EGLN2: variants seen among roughly 807,000 people sequenced by gnomAD.
The protein encoded by EGLN2 is egl-9 family hypoxia inducible factor 2, also known as prolyl hydroxylase EGLN2.
A neutral mutation model predicts 38.2 loss-of-function variants in EGLN2; 15 were observed. That is an observed-to-expected ratio of 0.39 (90% CI 0.26 to 0.60). The LOEUF is 0.60. EGLN2 is among the 20% of genes least tolerant of loss of function. EGLN2 has a pLI of 0.50. For synonymous variants in EGLN2, 284 were observed against 237.4 expected, an observed-to-expected ratio of 1.20 and a Z score of -1.81; for missense variants, 492 against 570.4, an observed-to-expected ratio of 0.86 and a Z score of 1.40.
chr19:40,808,082 C>T lies in EGLN2; in HGVS notation c.*218C>T. On this transcript the variant is annotated 3_prime_UTR_variant, in exon 6 of 6. Transcript: ENST00000303961. ...GGGTTGTCACCTGGACAGGGGGCAG[C>T]CGTGGAGGCCACCGTTACCAACTGA... The T allele has an allele frequency of 3.4e-6, 2 of 596,850 alleles. No homozygotes were observed. Among genetic ancestry groups the T allele is most frequent in the Non-Finnish European group, 5.9e-6 (2 of 336,458 alleles). 37.0% of individuals were successfully genotyped at this position (596,850 alleles called of 1,614,324 possible).
intron 2 of EGLN2, among the ~76,000 whole-genome samples, chr19:40,801,822 C>A (rs1322604130): frequency 6.6e-6 from 1 of 151,796 alleles, no homozygotes; most frequent in Non-Finnish European, 1.5e-5. Flanking sequence ...CGGCCTTCTG[C>A]GTGTTTGTGT....
intron 2 of EGLN2, among the ~76,000 whole-genome samples, chr19:40,801,779 G>A (rs979739944): frequency 1.3e-5 from 2 of 150,668 alleles, no homozygotes; most frequent in South Asian, 2.1e-4. Context: ...CAAGTGAACA[G>A]AGGTCTCTGG....
chr19:40,807,939 T>G lies in EGLN2; in HGVS notation c.*75T>G. The G allele has an allele frequency of 7.0e-7, 1 of 1,428,594 alleles. No homozygotes were observed. The highest frequency in any genetic ancestry group is 9.8e-7 in the Non-Finnish European group (1 of 1,023,254). The allele number at this position is 1,428,594 out of a possible 1,614,324, so 88.5% of individuals were successfully genotyped here. ...GCCCTGGGCCTGTGCTGGCTGCTCC[T>G]TCCCTGCCACCGCTGCTGCTTCTGA... On this transcript the variant is annotated 3_prime_UTR_variant, in exon 6 of 6. Coordinates refer to ENST00000303961, the MANE Select transcript of EGLN2 (RefSeq NM_080732.4).
chr19:40,800,550 C>A lies in EGLN2; in HGVS notation c.-23C>A. 6.4e-7 allele frequency: 1 copy of A among 1,558,780 alleles called. No homozygotes were observed. The highest frequency in any genetic ancestry group is 8.7e-7 in the Non-Finnish European group (1 of 1,151,154). ...GGGCCCGGGCGGTGCCCTCCATGCCCGGGGGATGAAGACACTGCTGCCATG... is the reference window on the plus strand; with the variant it reads ...GGGCCCGGGCGGTGCCCTCCATGCCAGGGGGATGAAGACACTGCTGCCATG... On this transcript the variant is annotated 5_prime_UTR_variant, in exon 2 of 6. Coordinates refer to ENST00000303961, the MANE Select transcript of EGLN2 (RefSeq NM_080732.4).
chr19:40,806,879 C>T (rs1166397891), intron 3 of EGLN2: 2 of 928,758 alleles, frequency 2.2e-6, no homozygotes, highest in Non-Finnish European at 3.2e-6. Flanking sequence ...TGGGAACTCC[C>T]CTCTTTCCGG....
chr19:40,803,142 G>C (rs763382196), intron 2 of EGLN2: 13 of 152,292 alleles, frequency 8.5e-5, no homozygotes, highest in Admixed American at 7.2e-4. Context: ...TCCTCGTCAG[G>C]GGGAGACCAG....
Position 40,806,543 on chromosome 19 carries a change from C to A in EGLN2, c.844-12C>A. ...TAGCCCCAGTAAACCTACCTCCCTC[C>A]ATCCCTGCCAGGCCATGGTGGCGTG... On this transcript the variant is annotated splice_polypyrimidine_tract_variant and intron_variant, in intron 2 of 5. Transcript: ENST00000303961. 1 of 1,614,044 alleles carries A rather than the reference C, an allele frequency of 6.2e-7. No homozygotes were observed. Among genetic ancestry groups the A allele is most frequent in the Non-Finnish European group, 8.5e-7 (1 of 1,179,942 alleles).
chr19:40,801,291 TTGCC>T lies in EGLN2; in HGVS notation c.722_725del (p.Ala241GlyfsTer54). The T allele has an allele frequency of 6.2e-7, 1 of 1,613,194 alleles. No homozygotes were observed. The highest frequency in any genetic ancestry group is 8.5e-7 in the Non-Finnish European group (1 of 1,180,002). On this transcript the variant is annotated frameshift_variant, in exon 2 of 6. Coordinates refer to ENST00000303961, the MANE Select transcript of EGLN2 (RefSeq NM_080732.4). LOFTEE classifies it high-confidence loss of function. The stretch of plus-strand genomic sequence containing the variant: ...CCGCGCAGCATCCGTGGGGACCAGA[TTGCC>T]TGGGTGGAAGGCCATGAACCAGGCT...
intron 3 of EGLN2, 122 bp from the exon 4 acceptor site, chr19:40,807,016 C>T: frequency 6.9e-7 from 1 of 1,455,498 alleles, no homozygotes; most frequent in Non-Finnish European, 9.3e-7. Flanking sequence ...ACTTTGAGAG[C>T]CCGAGGGGTG....
At position 40,800,584 on chromosome 19, in the gene EGLN2, G is replaced by A. The variant is rs997303364; in HGVS notation, c.12G>A (p.Pro4=). 1.1e-5 allele frequency: 17 copies of A among 1,601,804 alleles called. No homozygotes were observed. Among genetic ancestry groups the A allele is most frequent in the South Asian group, 3.3e-5 (3 of 90,040 alleles). The change falls in exon 2 of 6, where the codon CCG becomes CCA. Residue 4 remains proline, a synonymous_variant. Transcript: ENST00000303961. The part of the protein sequence containing the change: MDS[P]CQPQPLSQAL... ...AAGACACTGCTGCCATGGACAGCCC[G>A]TGCCAGCCGCAGCCCCTAAGTCAGG...
In EGLN2 at chr19:40,806,593, C is replaced by T. The variant is rs147226551; in HGVS notation, c.882C>T (p.Tyr294=). The T allele has an allele frequency of 1.2e-4, 188 of 1,614,036 alleles. 3 individuals carry two copies. The African/African-American group carries it at 1.5e-3, about 13-fold the overall frequency. The change falls in exon 3 of 6, where the codon TAC becomes TAT. Residue 294 remains tyrosine, a synonymous_variant. Transcript: ENST00000303961. ...GTTACCCAGGCAACGGGCTCGGGTA[C>T]GTAAGGCACGTTGACAATCCCCACG... ...VACYPGNGLG[Y]VRHVDNPHGD...
intron 5 of EGLN2, 121 bp from the exon 6 acceptor site, chr19:40,807,688 C>A: frequency 7.1e-7 from 1 of 1,404,752 alleles, no homozygotes; most frequent in Non-Finnish European, 1.0e-6. Flanking sequence ...CCTTAGCCCA[C>A]TCTCCTGGTA....
At chr19:40,807,610 C>T (rs535824878) in intron 5 of EGLN2, 59 bp downstream of exon 5, 3 of 1,565,418 alleles carry the variant, frequency 1.9e-6, no homozygotes, top group African/African-American at 1.4e-5. Flanking sequence ...GGCCTGATGC[C>T]ACCCCATCCC....
At position 40,807,793 on chromosome 19, in the gene EGLN2, C is replaced by T. The variant is rs377024627; in HGVS notation, c.1169-16C>T. On this transcript the variant is annotated splice_polypyrimidine_tract_variant and intron_variant, in intron 5 of 5. Coordinates refer to ENST00000303961, the MANE Select transcript of EGLN2 (RefSeq NM_080732.4). The stretch of plus-strand genomic sequence containing the variant: ...CTTCTGATGACTCACTGTCTCCTGT[C>T]CCCTCTCACCCCCAGCATCAGGACA... The T allele has an allele frequency of 1.9e-5, 31 of 1,613,784 alleles. No individual in the cohort carries two copies. Among genetic ancestry groups the T allele is most frequent in the Non-Finnish European group, 2.5e-5 (30 of 1,179,866 alleles).
rs1020105853 is a variant in EGLN2, at chr19:40,808,083, C to T, written c.*219C>T. Reference sequence around the variant, plus strand: ...GGTTGTCACCTGGACAGGGGGCAGCCGTGGAGGCCACCGTTACCAACTGAA... The same window carrying T: ...GGTTGTCACCTGGACAGGGGGCAGCTGTGGAGGCCACCGTTACCAACTGAA... On this transcript the variant is annotated 3_prime_UTR_variant, in exon 6 of 6. Coordinates refer to ENST00000303961, the MANE Select transcript of EGLN2 (RefSeq NM_080732.4). 1.8e-5 allele frequency: 11 copies of T among 598,232 alleles called. No homozygotes were observed. The highest frequency in any genetic ancestry group is 5.6e-5 in the East Asian group (2 of 35,916). 37.1% of individuals were successfully genotyped at this position (598,232 alleles called of 1,614,324 possible).
rs370322331 is a variant in EGLN2, at chr19:40,807,844, C to T, written c.1204C>T (p.Gln402Ter). 4 of 1,614,172 alleles carry T rather than the reference C, an allele frequency of 2.5e-6. No homozygotes were observed. Among genetic ancestry groups the T allele is most frequent in the Non-Finnish European group, 3.4e-6 (4 of 1,180,008 alleles). ...GQKGVQVPVS[Q>*]PPTPT ...GAAAGGTGTCCAAGTACCTGTATCA[C>T]AGCCGCCTACGCCCACCTAGTGGCC... is the stretch of plus-strand genomic sequence containing the variant. The change falls in exon 6 of 6, where the codon CAG becomes TAG. Residue 402 changes from glutamine to a stop codon, truncating the protein, a stop_gained. Coordinates refer to ENST00000303961, the MANE Select transcript of EGLN2 (RefSeq NM_080732.4). LOFTEE classifies it high-confidence loss of function.
intron 3 of EGLN2, 36 bp from the exon 4 acceptor site, chr19:40,807,102 C>A (rs748065055): frequency 3.1e-6 from 5 of 1,609,646 alleles, no homozygotes; most frequent in Admixed American, 1.7e-5. Flanking sequence ...GGCTCCTGGC[C>A]GTACCAGCTA....
chr19:40,801,949 TGA>T (rs1451376759), intron 2 of EGLN2, among the ~76,000 whole-genome samples: 1 of 152,110 alleles, frequency 6.6e-6, no homozygotes, highest in Admixed American at 6.6e-5. Context: ...TGAGAGCTGC[TGA>T]CATTCACAGC....
Position 40,800,956 on chromosome 19 carries a change from C to T in EGLN2, c.384C>T (p.Ala128=). The T allele has an allele frequency of 1.2e-6, 2 of 1,611,136 alleles. No homozygotes were observed. Among genetic ancestry groups the T allele is most frequent in the Non-Finnish European group, 1.7e-6 (2 of 1,179,024 alleles). The change falls in exon 2 of 6, where the codon GCC becomes GCT. Residue 128 remains alanine (A), a synonymous_variant. Transcript: ENST00000303961. ...KRKWAEDGGD[A]PSPSKRPWAR... ...AATGGGCCGAGGATGGTGGGGATGC[C>T]CCTTCACCCAGCAAACGGCCCTGGG...
Sources: gnomAD v4.1 joint callset for allele counts (sites outside exome capture counted in the v4.1 genomes callset) on GRCh38, gnomAD v4.1.1 for gene constraint, MANE v1.5 for transcripts, NCBI Gene and HGNC (gene_info 2026-07-23, HGNC 2026-07-21) for gene names.